PDE4D: variants seen among roughly 807,000 people sequenced by gnomAD.
PDE4D encodes the protein 3',5'-cyclic-AMP phosphodiesterase 4D.
A neutral mutation model predicts 87.4 loss-of-function variants in PDE4D; 24 were observed. That is an observed-to-expected ratio of 0.27 (90% CI 0.20 to 0.39). PDE4D has a LOEUF of 0.39. Among genes scored for constraint, PDE4D ranks in the 10% least tolerant of loss-of-function variants. The pLI, the probability that PDE4D is intolerant of heterozygous loss-of-function variation, is 1.00. For synonymous variants in PDE4D, 384 were observed against 383.2 expected (o/e 1.00, Z -0.02); for missense variants, 714 against 1,041.0 (o/e 0.69, Z 4.32).
chr5:59,066,488 A>G (rs1461105399), intron 5 of PDE4D, among the ~76,000 whole-genome samples: 1 of 152,166 alleles, frequency 6.6e-6, no homozygotes. Context: ...CATTTGTTAC[A>G]GCAGAATGCA....
intron 5 of PDE4D, among the ~76,000 whole-genome samples, chr5:59,148,540 A>G (rs1436305233): frequency 1.3e-5 from 2 of 152,200 alleles, no homozygotes; most frequent in Non-Finnish European, 2.9e-5. Context: ...TGATGTAGAG[A>G]GAAAGCGTAT....
At chr5:60,070,652 TG>T (rs1160422795) in intron 2 of PDE4D, among the ~76,000 whole-genome samples, 1 of 152,092 alleles carries the variant, frequency 6.6e-6, no homozygotes, top group Non-Finnish European at 1.5e-5. Flanking sequence ...CCTATAGTTT[TG>T]TTTTCTTGTG....
chr5:59,326,654 A>C (rs965557008), intron 1 of PDE4D, among the ~76,000 whole-genome samples: 1 of 152,176 alleles, frequency 6.6e-6, no homozygotes, highest in Non-Finnish European at 1.5e-5. Flanking sequence ...GTTCTAAAGC[A>C]TTCAACAGCT....
At chr5:59,871,151 T>C (rs1408095050) in intron 1 of PDE4D, among the ~76,000 whole-genome samples, 1 of 152,186 alleles carries the variant, frequency 6.6e-6, no homozygotes, top group Non-Finnish European at 1.5e-5. Context: ...ATTAGCATCC[T>C]TAATCAGTTG....
intron 1 of PDE4D, among the ~76,000 whole-genome samples, chr5:59,666,212 C>T (rs535005168): frequency 2.0e-5 from 3 of 152,230 alleles, no homozygotes; most frequent in South Asian, 2.1e-4. Context: ...CCACCGGCCT[C>T]GGCCTTCCAA....
chr5:59,586,869 T>C, intron 1 of PDE4D: 1 of 985,462 alleles, frequency 1.0e-6, no homozygotes, highest in Non-Finnish European at 1.2e-6. Flanking sequence ...AAATGAATAT[T>C]GCTTTTTCTT....
At chr5:59,735,496 C>G (rs1416296304) in intron 1 of PDE4D, among the ~76,000 whole-genome samples, 1 of 152,046 alleles carries the variant, frequency 6.6e-6, no homozygotes, top group Non-Finnish European at 1.5e-5. Flanking sequence ...ATATATCAAA[C>G]TCTGAAATTA....
intron 6 of PDE4D, chr5:59,002,185 A>T (rs1280264003): frequency 2.8e-6 from 1 of 359,134 alleles, no homozygotes; most frequent in African/African-American, 2.2e-5. Context: ...GAGAGAAAAA[A>T]TGATTTTCCC....
intron 1 of PDE4D, among the ~76,000 whole-genome samples, chr5:59,595,989 G>T (rs1280591949): frequency 6.6e-6 from 1 of 151,350 alleles, no homozygotes; most frequent in Non-Finnish European, 1.5e-5. Flanking sequence ...GCCAGTACTG[G>T]TTTTTAGTGC....
At chr5:60,032,025 T>C (rs1767296234) in intron 2 of PDE4D, among the ~76,000 whole-genome samples, 2 of 152,174 alleles carry the variant, frequency 1.3e-5, no homozygotes, top group African/African-American at 4.8e-5. Context: ...CATTATAAAT[T>C]ACCTTTTTAA....
At chr5:59,757,804 C>A (rs996619568) in intron 1 of PDE4D, among the ~76,000 whole-genome samples, 1 of 152,116 alleles carries the variant, frequency 6.6e-6, no homozygotes, top group Admixed American at 6.5e-5. Context: ...TGTTTTTACA[C>A]CTCTTATGTA....
intron 1 of PDE4D, among the ~76,000 whole-genome samples, chr5:60,214,807 A>G (rs1003870528): frequency 6.6e-6 from 1 of 152,206 alleles, no homozygotes; most frequent in African/African-American, 2.4e-5. Flanking sequence ...ATTTAAACCT[A>G]AAGTGTTCAA....
intron 1 of PDE4D, among the ~76,000 whole-genome samples, chr5:59,342,539 A>G (rs1009050943): frequency 6.6e-6 from 1 of 152,150 alleles, no homozygotes; most frequent in Admixed American, 6.5e-5. Context: ...AAATGTTGAA[A>G]TGATGAGATC....
At chr5:59,024,431 G>A (rs546681111) in intron 6 of PDE4D, among the ~76,000 whole-genome samples, 7 of 151,182 alleles carry the variant, frequency 4.6e-5, no homozygotes, top group East Asian at 2.0e-4. Flanking sequence ...ACTCCTGACC[G>A]CGTGATCTGC....
chr5:59,714,436 A>T (rs1035639361), intron 1 of PDE4D, among the ~76,000 whole-genome samples: 1 of 152,212 alleles, frequency 6.6e-6, no homozygotes, highest in Non-Finnish European at 1.5e-5. Flanking sequence ...GGGACACCAG[A>T]CAAATAGAGG....
intron 1 of PDE4D, among the ~76,000 whole-genome samples, chr5:59,349,676 T>C (rs1315561832): frequency 6.6e-6 from 1 of 152,188 alleles, no homozygotes; most frequent in African/African-American, 2.4e-5. Flanking sequence ...GTGAAAACCA[T>C]TAACACACTG....
chr5:59,318,650 G>C (rs1774169295), intron 1 of PDE4D, among the ~76,000 whole-genome samples: 1 of 152,126 alleles, frequency 6.6e-6, no homozygotes, highest in Middle Eastern at 3.4e-3. Context: ...TAGAATTTAT[G>C]GAAAGAGAAA....
intron 1 of PDE4D, among the ~76,000 whole-genome samples, chr5:60,344,635 C>T (rs1758588895): frequency 6.6e-6 from 1 of 152,144 alleles, no homozygotes. Context: ...CCAACTACCT[C>T]AGTCTTATTA....
chr5:60,391,717 A>G (rs1221052987), intron 1 of PDE4D, among the ~76,000 whole-genome samples: 1 of 152,186 alleles, frequency 6.6e-6, no homozygotes, highest in African/African-American at 2.4e-5. Flanking sequence ...CTGATTAGTA[A>G]TCTTAATTCC....
Sources: gnomAD v4.1 joint callset for allele counts (sites outside exome capture counted in the v4.1 genomes callset) on GRCh38, gnomAD v4.1.1 for gene constraint, MANE v1.5 for transcripts, NCBI Gene and HGNC (gene_info 2026-07-23, HGNC 2026-07-21) for gene names.